Variants in ACCSL observed in about 807,000 individuals in gnomAD.
The protein encoded by ACCSL is probable inactive 1-aminocyclopropane-1-carboxylate synthase-like protein 2.
ACCSL carries 55 observed loss-of-function variants against 61.7 expected under a neutral mutation model. That is an observed-to-expected ratio of 0.89 (90% confidence interval 0.72 to 1.12). ACCSL has a LOEUF of 1.12. ACCSL is among the 50% of genes most tolerant of loss of function. ACCSL has a pLI of 0.00. For missense variants in ACCSL, 632 were observed against 698.0 expected (o/e 0.91, Z 1.07); for synonymous variants, 258 against 264.3 (o/e 0.98, Z 0.23).
the ACCSL span, chr11:43,971,505 A>T: frequency 6.6e-6 from 1 of 152,334 alleles, no homozygotes; most frequent in South Asian, 2.1e-4. Context: ...GCAACAAGCA[A>T]TGGAACCAGG....
chr11:44,012,373 G>A, the ACCSL span, among the ~76,000 whole-genome samples: 2 of 151,384 alleles, frequency 1.3e-5, no homozygotes, highest in Non-Finnish European at 2.9e-5. Context: ...TGCAACCTCC[G>A]CCTCCCGTGT....
chr11:44,049,332 A>T (rs948319994), intron 1 of ACCSL, among the ~76,000 whole-genome samples: 1 of 145,288 alleles, frequency 6.9e-6, no homozygotes, highest in East Asian at 2.2e-4. Flanking sequence ...AGGTGGGAGG[A>T]TCACTTGACC....
the ACCSL span, among the ~76,000 whole-genome samples, chr11:44,036,543 A>G: frequency 6.6e-6 from 1 of 152,138 alleles, no homozygotes; most frequent in Non-Finnish European, 1.5e-5. Context: ...GCACTTTAGG[A>G]GGCCAAGGTA....
chr11:43,958,509 A>G, the ACCSL span, among the ~76,000 whole-genome samples: 1 of 151,446 alleles, frequency 6.6e-6, no homozygotes, highest in South Asian at 2.1e-4. Flanking sequence ...AGGTGATAAA[A>G]CTCTGGTCTC....
At position 44,058,735 on chromosome 11, in the gene ACCSL, C is replaced by T. The variant is rs201679869; in HGVS notation, c.1624+36C>T. The T allele has an allele frequency of 4.6e-5, 72 of 1,579,102 alleles. No individual in the cohort carries two copies. The East Asian group carries it at 1.2e-3, about 26-fold the overall frequency. ...CTGACCTCCCAATCCTTTAAAGACG[C>T]CCCATCAATTTAATATGTCAATCTT... On this transcript the variant is annotated intron_variant, in intron 13 of 13. Transcript: ENST00000378832.
In ACCSL at chr11:44,048,265, CG is replaced by C; in HGVS notation, c.231del (p.Met78Ter). ...HEALLSRLIC[R>X]MINLLQSGAA... ...AGCCCTTCTGAGTCGCTTAATATGC[CG>C]GATGATCAACCTCCTACAGTCTGGG... On this transcript the variant is annotated frameshift_variant, in exon 1 of 14. Transcript: ENST00000378832. LOFTEE classifies it high-confidence loss of function. The C allele has an allele frequency of 6.2e-7, 1 of 1,614,086 alleles. No homozygotes were observed. Among genetic ancestry groups the C allele is most frequent in the Non-Finnish European group, 8.5e-7 (1 of 1,180,004 alleles).
At chr11:43,985,700 A>G in the ACCSL span, among the ~76,000 whole-genome samples, 1 of 152,336 alleles carries the variant, frequency 6.6e-6, no homozygotes, top group Admixed American at 6.5e-5. Context: ...GATGATTATC[A>G]TGATCATTGT....
At chr11:44,015,803 G>C in the ACCSL span, among the ~76,000 whole-genome samples, 1 of 152,204 alleles carries the variant, frequency 6.6e-6, no homozygotes, top group Non-Finnish European at 1.5e-5. Context: ...CCTTGGACCA[G>C]TATTTAAGCT....
chr11:43,942,861 GC>G, the ACCSL span: 1 of 1,238,688 alleles, frequency 8.1e-7, no homozygotes, highest in Non-Finnish European at 1.0e-6. Flanking sequence ...CCCTCGGAGA[GC>G]CCCGGCGCCC....
the ACCSL span, among the ~76,000 whole-genome samples, chr11:43,955,130 G>C: frequency 6.6e-6 from 1 of 152,140 alleles, no homozygotes; most frequent in African/African-American, 2.4e-5. Flanking sequence ...TAAATAGCTG[G>C]TAGCGAGTCA....
At chr11:44,045,493 G>A (rs55946612), upstream of ACCSL, among the ~76,000 whole-genome samples, 8,674 of 152,128 alleles carry the variant, frequency 0.057, 322 homozygotes, top group Non-Finnish European at 0.09. Flanking sequence ...CCAGGAAAAC[G>A]CATTACTTTC....
Position 44,047,992 on chromosome 11 carries a change from A to G in ACCSL, c.-45A>G, listed in dbSNP as rs763334756. On this transcript the variant is annotated 5_prime_UTR_variant, in exon 1 of 14. Coordinates refer to ENST00000378832, the MANE Select transcript of ACCSL (RefSeq NM_001031854.2). ...TCCATTGTCAATGGTCTCTTTCTCC[A>G]TAGGTGCCAGGCAGCCTTCAGAGGC... 5.7e-6 allele frequency: 9 copies of G among 1,577,246 alleles called. No homozygotes were observed. In the African/African-American group the frequency reaches 8.1e-5, roughly 14 times the overall value.
At chr11:43,972,309 T>C in the ACCSL span, among the ~76,000 whole-genome samples, 1 of 152,218 alleles carries the variant, frequency 6.6e-6, no homozygotes, top group South Asian at 2.1e-4. Flanking sequence ...CTTGGTGTAC[T>C]CATGTCACCC....
chr11:43,962,889 A>G, the ACCSL span, among the ~76,000 whole-genome samples: 1 of 152,164 alleles, frequency 6.6e-6, no homozygotes. Flanking sequence ...TCTGACACCC[A>G]CTTCAGATGA....
chr11:43,978,003 CTTTTT>C, the ACCSL span, among the ~76,000 whole-genome samples: 2 of 97,652 alleles, frequency 2.0e-5, no homozygotes, highest in Non-Finnish European at 3.9e-5. Flanking sequence ...CTAGGAAGCT[CTTTTT>C]TTTTTTTTTT....
At chr11:43,958,202 G>T in the ACCSL span, among the ~76,000 whole-genome samples, 1 of 152,222 alleles carries the variant, frequency 6.6e-6, no homozygotes, top group African/African-American at 2.4e-5. Context: ...GAGGTCATAA[G>T]ATTTGCAACT....
In ACCSL at chr11:44,051,301, G is replaced by A. The variant is rs199608178; in HGVS notation, c.636-34G>A. 9.0e-5 allele frequency: 145 copies of A among 1,612,440 alleles called. No individual in the cohort carries two copies. In the African/African-American group the frequency reaches 1.3e-3, roughly 14 times the overall value. On this transcript the variant is annotated intron_variant, in intron 3 of 13. Transcript: ENST00000378832. ...AGACCATGAGTGAGGAAAGGGGCCCGGAAGCCACAAGGTCTCTCTGGGTCT... is the reference window on the plus strand; with the variant it reads ...AGACCATGAGTGAGGAAAGGGGCCCAGAAGCCACAAGGTCTCTCTGGGTCT...
upstream of ACCSL, among the ~76,000 whole-genome samples, chr11:44,045,167 G>A (rs935979862): frequency 4.6e-5 from 7 of 152,130 alleles, no homozygotes; most frequent in African/African-American, 1.7e-4. Context: ...ACCATGCATG[G>A]TGGCTCCTGC....
At chr11:43,947,444 G>T in the ACCSL span, among the ~76,000 whole-genome samples, 1 of 152,166 alleles carries the variant, frequency 6.6e-6, no homozygotes. Context: ...GCATTCCAAG[G>T]TGGCACGCAG....
Sources: allele counts gnomAD v4.1 joint callset (sites outside exome capture counted in the v4.1 genomes callset), GRCh38; gene constraint gnomAD v4.1.1; transcripts MANE v1.5; gene names NCBI Gene and HGNC (gene_info 2026-07-23, HGNC 2026-07-21).